The following VLDLR variants were observed in gnomAD, a reference collection of about 807,000 sequenced individuals.
VLDLR encodes the protein very low density lipoprotein receptor, also known as very low-density lipoprotein receptor.
VLDLR carries 81 observed loss-of-function variants against 112.7 expected under a neutral mutation model. That is an observed-to-expected ratio of 0.72 (90% CI 0.60 to 0.86). The LOEUF (loss-of-function observed/expected upper bound fraction) is 0.86. VLDLR is among the 40% of genes least tolerant of loss of function. VLDLR has a pLI of 0.00. For synonymous variants in VLDLR, 436 were observed against 384.8 expected (o/e 1.13, Z -1.56); for missense variants, 1,237 against 1,099.4 (o/e 1.13, Z -1.77).
intron 14 of VLDLR, 72 bp from the exon 15 acceptor site, chr9:2,650,298 C>T (rs749041368): frequency 7.5e-6 from 12 of 1,598,336 alleles, no homozygotes; most frequent in Non-Finnish European, 1.0e-5. Flanking sequence ...AGGTCTTCAA[C>T]ATGTAGAACA....
In VLDLR at chr9:2,651,949, C is replaced by G. The variant is rs1262685523; in HGVS notation, c.2411C>G (p.Pro804Arg). Residue 804 changes from proline (P) to arginine (R), a missense_variant, in exon 17 of 19, where the codon CCT becomes CGT. Transcript: ENST00000382100. ...ACTTCTGCCGCATGGGCCATTCTTCCTCTCTGTAAGTAGATTTCCTACAAG... is the reference window on the plus strand; with the variant it reads ...ACTTCTGCCGCATGGGCCATTCTTCGTCTCTGTAAGTAGATTTCCTACAAG... ...KGTSAAWAIL[P>R]LLLLVMAAVG... 6.2e-7 allele frequency: 1 copy of G among 1,614,048 alleles called. No individual in the cohort carries two copies. Among genetic ancestry groups the G allele is most frequent in the Admixed American group, 1.7e-5 (1 of 60,020 alleles).
intron 1 of VLDLR, among the ~76,000 whole-genome samples, chr9:2,622,569 A>G (rs1330072026): frequency 6.6e-6 from 1 of 152,026 alleles, no homozygotes; most frequent in South Asian, 2.1e-4. Flanking sequence ...CGCCCTCTTG[A>G]CGGGCGCCGA....
At chr9:2,637,150 A>C (rs556305056) in intron 2 of VLDLR, among the ~76,000 whole-genome samples, 36 of 152,334 alleles carry the variant, frequency 2.4e-4, no homozygotes, top group Non-Finnish European at 3.4e-4. Context: ...AAGAAAGTAG[A>C]AATATTACAA....
intron 7 of VLDLR, among the ~76,000 whole-genome samples, chr9:2,644,376 G>A (rs543196490): frequency 7.1e-4 from 90 of 126,578 alleles, no homozygotes; most frequent in Non-Finnish European, 1.2e-3. Context: ...TCACCATGTT[G>A]GCCAGGCTGG....
At chr9:2,629,302 A>T (rs994516763) in intron 1 of VLDLR, among the ~76,000 whole-genome samples, 1 of 152,244 alleles carries the variant, frequency 6.6e-6, no homozygotes, top group African/African-American at 2.4e-5. Context: ...AACCCTAGAC[A>T]AGAAAACCAA....
chr9:2,642,419 A>G (rs1431215140), intron 4 of VLDLR, among the ~76,000 whole-genome samples: 1 of 152,164 alleles, frequency 6.6e-6, no homozygotes, highest in Non-Finnish European at 1.5e-5. Context: ...GGTTTTCTGT[A>G]TTGGTAAGCC....
chr9:2,647,354 C>T, intron 11 of VLDLR, 120 bp from the exon 12 acceptor site: 1 of 780,078 alleles, frequency 1.3e-6, no homozygotes, highest in Non-Finnish European at 2.3e-6. Flanking sequence ...TTAAGTGTTA[C>T]TATTTGTCAC....
intron 12 of VLDLR, 152 bp downstream of exon 12, chr9:2,647,744 G>C: frequency 1.3e-6 from 1 of 750,974 alleles, no homozygotes; most frequent in Non-Finnish European, 2.4e-6. Flanking sequence ...AACAACACAA[G>C]TAAAATGGTG....
At chr9:2,640,170 C>T (rs573807730) in intron 3 of VLDLR, among the ~76,000 whole-genome samples, 189 bp downstream of exon 3, 1 of 152,290 alleles carries the variant, frequency 6.6e-6, no homozygotes, top group Admixed American at 6.5e-5. Context: ...TCTCCCTGGT[C>T]CAACAAGACT....
chr9:2,645,036 T>A lies in VLDLR; in HGVS notation c.1266T>A (p.Ser422Arg). 1 of 1,614,216 alleles carries A rather than the reference T, an allele frequency of 6.2e-7. No homozygotes were observed. Among genetic ancestry groups the A allele is most frequent in the Non-Finnish European group, 8.5e-7 (1 of 1,180,030 alleles). ...NLKGGYKCEC[S>R]RGYQMDLATG... ...AAGGCGGTTACAAGTGTGAATGTAG[T>A]CGTGGCTATCAAATGGATCTTGCTA... Residue 422 changes from serine (S) to arginine (R), a missense_variant, in exon 9 of 19, where the codon AGT (serine) becomes AGA (arginine). By Grantham distance (110) the Ser-to-Arg change is moderately radical (BLOSUM62 -1). Transcript: ENST00000382100.
rs1205316862 is a variant in VLDLR at position 2,655,577 on chromosome 9, C to G, written c.*1709C>G. On this transcript the variant is annotated 3_prime_UTR_variant, in exon 19 of 19. Transcript: ENST00000382100. ...ATATGAAATATAAGGCAGTTAACAT[C>G]TTGTTTGTGGCTTAAGCAAGGACAT... 6.6e-6 allele frequency: 1 copy of G among 152,090 alleles called. No homozygotes were observed. The highest frequency in any genetic ancestry group is 1.5e-5 in the Non-Finnish European group (1 of 68,024). 9.4% of individuals were successfully genotyped at this position (152,090 alleles called of 1,614,324 possible).
At chr9:2,644,447 G>A (rs543328940) in intron 7 of VLDLR, among the ~76,000 whole-genome samples, 105 of 151,556 alleles carry the variant, frequency 6.9e-4, no homozygotes, top group Non-Finnish European at 1.2e-3. Context: ...GGGATTACAG[G>A]CATGAGCCAC....
chr9:2,649,718 C>G (rs537750320), intron 14 of VLDLR, among the ~76,000 whole-genome samples: 209 of 152,222 alleles, frequency 1.4e-3, no homozygotes, highest in Non-Finnish European at 1.1e-3. Flanking sequence ...ACCTTAATGA[C>G]CTCATTTTAA....
chr9:2,626,783 C>A (rs887918024), intron 1 of VLDLR, among the ~76,000 whole-genome samples: 1 of 143,984 alleles, frequency 6.9e-6, no homozygotes, highest in Non-Finnish European at 1.5e-5. Context: ...AAAGCCTCGG[C>A]GATAGACAGC....
Position 2,622,036 on chromosome 9 carries a change from C to T in VLDLR, c.-154C>T. On this transcript the variant is annotated 5_prime_UTR_variant, in exon 1 of 19. Transcript: ENST00000382100. ...GTAGGGGAGGGGGTGCCCTCTTCTTCCCCGCTCCCTTCCCCCGCCAACTCC... is the reference window on the plus strand; with the variant it reads ...GTAGGGGAGGGGGTGCCCTCTTCTTTCCCGCTCCCTTCCCCCGCCAACTCC... 5 of 746,766 alleles carry T rather than the reference C, an allele frequency of 6.7e-6. No homozygotes were observed. The highest frequency in any genetic ancestry group is 1.1e-5 in the Non-Finnish European group (5 of 475,166). 46.3% of individuals were successfully genotyped at this position (746,766 alleles called of 1,614,324 possible).
At chr9:2,645,169 T>C in intron 9 of VLDLR, 87 bp downstream of exon 9, 1 of 1,590,656 alleles carries the variant, frequency 6.3e-7, no homozygotes, top group Non-Finnish European at 8.6e-7. Context: ...ATAGTCAAAC[T>C]AAACATGAAA....
At chr9:2,629,416 A>G (rs1817238974) in intron 1 of VLDLR, among the ~76,000 whole-genome samples, 1 of 152,234 alleles carries the variant, frequency 6.6e-6, no homozygotes, top group Non-Finnish European at 1.5e-5. Context: ...ACAAGGCTAA[A>G]TCTAAGTTGA....
Position 2,653,969 on chromosome 9 carries a change from T to C in VLDLR, c.*101T>C. Reference sequence around the variant, plus strand: ...GAAGTCTCTTTTTCTTCCTCTCGGCTGGAAGAACATCAAGATACCTTTGCG... The same window carrying C: ...GAAGTCTCTTTTTCTTCCTCTCGGCCGGAAGAACATCAAGATACCTTTGCG... On this transcript the variant is annotated 3_prime_UTR_variant, in exon 19 of 19. Coordinates refer to ENST00000382100, the MANE Select transcript of VLDLR (RefSeq NM_003383.5). 8.2e-7 allele frequency: 1 copy of C among 1,224,080 alleles called. No individual in the cohort carries two copies. Among genetic ancestry groups the C allele is most frequent in the Non-Finnish European group, 1.2e-6 (1 of 828,686 alleles). 75.8% of individuals were successfully genotyped at this position (1,224,080 alleles called of 1,614,324 possible).
chr9:2,652,701 G>C, intron 17 of VLDLR, 79 bp from the exon 18 acceptor site: 1 of 1,578,090 alleles, frequency 6.3e-7, no homozygotes, highest in Non-Finnish European at 8.7e-7. Context: ...AATTATTATG[G>C]ATTCCTGAAC....
Sources: allele counts gnomAD v4.1 joint callset (sites outside exome capture counted in the v4.1 genomes callset), GRCh38; gene constraint gnomAD v4.1.1; transcripts MANE v1.5; gene names NCBI Gene and HGNC (gene_info 2026-07-23, HGNC 2026-07-21).